The following SH3GL2 variants were observed in gnomAD, a reference collection of about 807,000 sequenced individuals.
The protein encoded by SH3GL2 is SH3 domain containing GRB2 like 2, endophilin A1.
In SH3GL2, 24 loss-of-function variants were observed where a neutral mutation model predicts 46.0. The observed-to-expected ratio is 0.52, with a 90% CI of 0.38 to 0.73. SH3GL2 has a LOEUF of 0.73. Among genes scored for constraint, SH3GL2 ranks in the 30% least tolerant of loss-of-function variants. The pLI is 0.00. For synonymous variants in SH3GL2, 196 were observed against 147.1 expected (o/e 1.33, Z -2.40); for missense variants, 413 against 424.2 (o/e 0.97, Z 0.23).
At chr9:17,622,826 C>G (rs1265611836) in intron 1 of SH3GL2, among the ~76,000 whole-genome samples, 2 of 152,022 alleles carry the variant, frequency 1.3e-5, no homozygotes, top group East Asian at 3.9e-4. Context: ...AGGGTATGTG[C>G]TTGGGGCATG....
chr9:17,596,377 G>T (rs752009923), intron 1 of SH3GL2, among the ~76,000 whole-genome samples: 2 of 151,716 alleles, frequency 1.3e-5, no homozygotes, highest in Non-Finnish European at 2.9e-5. Flanking sequence ...CTTATCCCTA[G>T]TGTCATAGCA....
intron 1 of SH3GL2, among the ~76,000 whole-genome samples, chr9:17,642,187 C>T (rs1295844914): frequency 6.6e-6 from 1 of 152,168 alleles, no homozygotes; most frequent in Non-Finnish European, 1.5e-5. Flanking sequence ...ATATCCTTTG[C>T]CCATGTTTCT....
At chr9:17,747,277 G>T in intron 2 of SH3GL2, 143 bp downstream of exon 2, 1 of 576,274 alleles carries the variant, frequency 1.7e-6, no homozygotes, top group Non-Finnish European at 3.1e-6. Context: ...TACTTTTCAT[G>T]TATGTTTTAA....
At chr9:17,732,469 A>G (rs1822211705) in intron 1 of SH3GL2, among the ~76,000 whole-genome samples, 1 of 152,156 alleles carries the variant, frequency 6.6e-6, no homozygotes, top group Non-Finnish European at 1.5e-5. Flanking sequence ...TCAGGCCTAC[A>G]TTAGGCACTG....
chr9:17,589,333 G>A lies in SH3GL2; in HGVS notation c.45+10046G>A, dbSNP rs1477197782. ...GCGTGTGCCGCTATGCCTGGCCCAT[G>A]TGCCTTTTTAATATATTTTTTATTT... On this transcript the variant is annotated intron_variant, in intron 1 of 8. Coordinates refer to ENST00000380607, the MANE Select transcript of SH3GL2 (RefSeq NM_003026.5). 2.0e-5 allele frequency: 3 copies of A among 152,244 alleles called. No individual in the cohort carries two copies. The East Asian group carries it at 5.8e-4, about 29-fold the overall frequency. 9.4% of individuals were successfully genotyped at this position (152,244 alleles called of 1,614,324 possible). A position where few individuals can be genotyped will look rare whatever the true frequency, so the allele number is the denominator to read the frequency against.
intron 7 of SH3GL2, among the ~76,000 whole-genome samples, chr9:17,792,067 A>T (rs1824145784): frequency 6.6e-6 from 1 of 152,166 alleles, no homozygotes; most frequent in African/African-American, 2.4e-5. Flanking sequence ...TCAAAGGGTC[A>T]CCTCAGCAAG....
chr9:17,668,381 C>T (rs138293542), intron 1 of SH3GL2, among the ~76,000 whole-genome samples: 1 of 152,156 alleles, frequency 6.6e-6, no homozygotes, highest in African/African-American at 2.4e-5. Context: ...ACTGTTCTTT[C>T]CTCATTCAAT....
intron 1 of SH3GL2, among the ~76,000 whole-genome samples, chr9:17,712,509 T>A (rs1225753671): frequency 6.6e-6 from 1 of 151,790 alleles, no homozygotes; most frequent in Non-Finnish European, 1.5e-5. Flanking sequence ...GGATTGAATG[T>A]TTTTTGTTTC....
Position 17,617,280 on chromosome 9 carries a change from A to G in SH3GL2, c.45+37993A>G, listed in dbSNP as rs187633731. On this transcript the variant is annotated intron_variant, in intron 1 of 8. Transcript: ENST00000380607. The stretch of plus-strand genomic sequence containing the variant: ...TGCTGCAGTATATAAAGTTGTACAT[A>G]TATGTAGGTTTGTTAAGAAATAAGT... Among the ~76,000 whole-genome samples, 5 of 152,322 alleles carry G rather than the reference A, an allele frequency of 3.3e-5. No individual in the cohort carries two copies. In the East Asian group the frequency reaches 7.7e-4, roughly 23 times the overall value.
intron 7 of SH3GL2, 49 bp downstream of exon 7, chr9:17,791,383 A>G (rs775263615): frequency 3.3e-6 from 4 of 1,226,456 alleles, no homozygotes; most frequent in Non-Finnish European, 4.8e-6. Context: ...TTGCTATAAA[A>G]TGATGTATAA....
At chr9:17,682,320 C>A (rs113481506) in intron 1 of SH3GL2, among the ~76,000 whole-genome samples, 15,333 of 152,174 alleles carry the variant, frequency 0.1, 984 homozygotes, top group Admixed American at 0.18. Context: ...AAATGCCCAT[C>A]AGTGGTAGAC....
chr9:17,736,798 G>A (rs572022974), intron 1 of SH3GL2, among the ~76,000 whole-genome samples: 30 of 152,182 alleles, frequency 2.0e-4, no homozygotes, highest in Admixed American at 5.9e-4. Context: ...CCCTGTAGCC[G>A]TCAATTACTG....
intron 1 of SH3GL2, among the ~76,000 whole-genome samples, chr9:17,617,022 C>A (rs1819018812): frequency 6.6e-6 from 1 of 152,152 alleles, no homozygotes; most frequent in Non-Finnish European, 1.5e-5. Context: ...TGTTCTCTTT[C>A]CTTGTCTCTG....
chr9:17,771,967 A>G (rs919155085), intron 3 of SH3GL2, among the ~76,000 whole-genome samples: 26 of 152,188 alleles, frequency 1.7e-4, no homozygotes, highest in African/African-American at 5.8e-4. Context: ...AACAACATAG[A>G]TGTGAGTATA....
chr9:17,637,739 C>A (rs1403426222), intron 1 of SH3GL2, among the ~76,000 whole-genome samples: 1 of 152,184 alleles, frequency 6.6e-6, no homozygotes, highest in Admixed American at 6.5e-5. Flanking sequence ...TCAGAACAAC[C>A]TAAGTGGGTG....
At chr9:17,736,781 C>T (rs904823078) in intron 1 of SH3GL2, among the ~76,000 whole-genome samples, 5 of 152,080 alleles carry the variant, frequency 3.3e-5, no homozygotes. Flanking sequence ...CTGTCCAAGT[C>T]TTTGTGCCCT....
chr9:17,664,651 A>G (rs1820299207), intron 1 of SH3GL2, among the ~76,000 whole-genome samples: 2 of 151,742 alleles, frequency 1.3e-5, no homozygotes, highest in Admixed American at 6.6e-5. Flanking sequence ...TGAACTTTCT[A>G]TATGATGTAT....
intron 1 of SH3GL2, among the ~76,000 whole-genome samples, chr9:17,608,880 C>T (rs1429392038): frequency 6.6e-6 from 1 of 152,214 alleles, no homozygotes; most frequent in South Asian, 2.1e-4. Flanking sequence ...AAATTCAGTG[C>T]AGGTGGCTGC....
At chr9:17,753,393 A>G (rs1293486059) in intron 2 of SH3GL2, among the ~76,000 whole-genome samples, 1 of 151,772 alleles carries the variant, frequency 6.6e-6, no homozygotes, top group Non-Finnish European at 1.5e-5. Context: ...TTTTTATCTC[A>G]TTGTGGTTTT....
Sources: gnomAD v4.1 joint callset for allele counts (sites outside exome capture counted in the v4.1 genomes callset) on GRCh38, gnomAD v4.1.1 for gene constraint, MANE v1.5 for transcripts, NCBI Gene and HGNC (gene_info 2026-07-23, HGNC 2026-07-21) for gene names.